The following MKLN1 variants were observed in gnomAD, a reference collection of about 807,000 sequenced individuals.
MKLN1 encodes the protein muskelin 1, also known as muskelin.
Under a neutral mutation model 99.0 loss-of-function variants are expected in MKLN1, and 18 were observed. The observed-to-expected ratio is 0.18, with a 90% CI of 0.13 to 0.27. MKLN1 has a LOEUF of 0.27. MKLN1 is among the 10% of genes least tolerant of loss of function. The pLI is 1.00. For missense variants in MKLN1, 621 were observed against 875.9 expected (o/e 0.71, Z 3.67); for synonymous variants, 288 against 293.2 (o/e 0.98, Z 0.18).
chr7:131,175,127 G>T (rs1356300819), intron 2 of MKLN1, among the ~76,000 whole-genome samples: 1 of 146,528 alleles, frequency 6.8e-6, no homozygotes. Context: ...GTGGATAGAT[G>T]GATAGGGTGG....
rs112135246 is a variant in MKLN1, at chr7:131,199,607, T to C, written c.-296-3250T>C. 4.4e-3 allele frequency among the ~76,000 whole-genome samples: 665 copies of C among 152,330 alleles called. 6 individuals carry two copies. Among genetic ancestry groups the C allele is most frequent in the African/African-American group, 0.015 (635 of 41,566 alleles). On this transcript the variant is annotated intron_variant, in intron 2 of 7. Coordinates refer to the MKLN1 transcript ENST00000416992. The stretch of plus-strand genomic sequence containing the variant: ...CATTATAGGTGAAGGTGGATGCTAC[T>C]GAGAAGGCCTTTATATATCACATCA...
intron 14 of MKLN1, 30 bp downstream of exon 14, chr7:131,464,438 T>C (rs1368160138): frequency 4.6e-6 from 6 of 1,304,414 alleles, no homozygotes; most frequent in Admixed American, 1.7e-5. Flanking sequence ...CTGTAAACTT[T>C]CCATGGCCTA....
At chr7:131,228,364 C>T (rs1695518915) in intron 3 of MKLN1, among the ~76,000 whole-genome samples, 2 of 152,116 alleles carry the variant, frequency 1.3e-5, no homozygotes, top group South Asian at 4.1e-4. Context: ...GTGATTTGAC[C>T]ACCTCGGCCT....
intron 3 of MKLN1, among the ~76,000 whole-genome samples, chr7:131,248,852 C>T (rs921334880): frequency 6.6e-6 from 1 of 152,204 alleles, no homozygotes; most frequent in South Asian, 2.1e-4. Flanking sequence ...CTTGTCCTGG[C>T]TTCTTTCCCA....
chr7:131,140,803 A>G (rs1795720010), intron 1 of MKLN1, among the ~76,000 whole-genome samples: 1 of 149,640 alleles, frequency 6.7e-6, no homozygotes. Flanking sequence ...TTTCTGAGAC[A>G]GAGTCTCGCT....
At chr7:131,241,050 C>G (rs1797394224) in intron 3 of MKLN1, among the ~76,000 whole-genome samples, 1 of 152,128 alleles carries the variant, frequency 6.6e-6, no homozygotes, top group African/African-American at 2.4e-5. Flanking sequence ...TCCTTTCATA[C>G]ATACTGAAAA....
intron 8 of MKLN1, among the ~76,000 whole-genome samples, chr7:131,420,077 C>T (rs1260647122): frequency 6.6e-6 from 1 of 151,802 alleles, no homozygotes; most frequent in African/African-American, 2.4e-5. Context: ...TAAAAGGTAT[C>T]ATATAAATGC....
intron 3 of MKLN1, among the ~76,000 whole-genome samples, chr7:131,318,358 T>TGGATAAATATCGAAATTAAGGC (rs1563290271): frequency 6.6e-6 from 1 of 152,206 alleles, no homozygotes; most frequent in African/African-American, 2.4e-5. Context: ...GAATGACTCC[T>TGGATAAATATCGAAATTAAGGC]GGATAAATAT....
intron 3 of MKLN1, chr7:131,310,007 G>C (rs1330957718): frequency 6.6e-6 from 1 of 152,120 alleles, no homozygotes; most frequent in East Asian, 1.9e-4. Flanking sequence ...TTACAGGCGT[G>C]AGCCACCACG....
chr7:131,139,432 T>C (rs1445374846), intron 1 of MKLN1, among the ~76,000 whole-genome samples: 1 of 152,152 alleles, frequency 6.6e-6, no homozygotes, highest in African/African-American at 2.4e-5. Flanking sequence ...TCAGCATTGC[T>C]TGCAGTTATA....
chr7:131,113,746 C>T (rs142820799), intron 1 of MKLN1, among the ~76,000 whole-genome samples: 1 of 151,980 alleles, frequency 6.6e-6, no homozygotes, highest in African/African-American at 2.4e-5. Context: ...ATCACTTGAA[C>T]CACAGAAGCG....
intron 1 of MKLN1, among the ~76,000 whole-genome samples, chr7:131,341,070 CTAATAGTTTT>C (rs1799393539): frequency 6.6e-6 from 1 of 151,518 alleles, no homozygotes; most frequent in African/African-American, 2.4e-5. Context: ...TCTGAGTTGC[CTAATAGTTTT>C]TAATAGTTTT....
chr7:131,404,634 T>G (rs2398770), intron 6 of MKLN1, among the ~76,000 whole-genome samples: 51,648 of 151,860 alleles, frequency 0.34, 9,368 homozygotes, highest in East Asian at 0.49. Flanking sequence ...AGACAGGGTC[T>G]CTCTCTGTTG....
chr7:131,220,151 T>C (rs1254707247), intron 3 of MKLN1, among the ~76,000 whole-genome samples: 1 of 152,246 alleles, frequency 6.6e-6, no homozygotes, highest in Non-Finnish European at 1.5e-5. Flanking sequence ...TAACCACACA[T>C]GAACAGACCC....
chr7:131,249,780 G>A (rs576315737), intron 3 of MKLN1, among the ~76,000 whole-genome samples: 2 of 152,278 alleles, frequency 1.3e-5, no homozygotes, highest in East Asian at 1.9e-4. Context: ...ATGCAAAGGG[G>A]GTTGTTGTGG....
In MKLN1 at chr7:131,119,306, G is replaced by A. The variant is rs576608787; in HGVS notation, c.-419+9099G>A. Among the ~76,000 whole-genome samples the A allele has an allele frequency of 3.3e-5, 5 of 152,334 alleles. No individual in the cohort carries two copies. The East Asian group carries it at 9.7e-4, about 29-fold the overall frequency. On this transcript the variant is annotated intron_variant, in intron 1 of 7. Coordinates refer to the MKLN1 transcript ENST00000416992. ...CCATGTCTCACATCCAGGCCACACC[G>A]ATGCAAGCGGTGGGCTCCCAAGGCC...
chr7:131,229,598 G>T (rs1797211465), intron 3 of MKLN1, among the ~76,000 whole-genome samples: 1 of 151,984 alleles, frequency 6.6e-6, no homozygotes, highest in Non-Finnish European at 1.5e-5. Context: ...TCTTACCCAG[G>T]CTGGACACAT....
At chr7:131,386,136 C>T (rs1262106561) in intron 2 of MKLN1, among the ~76,000 whole-genome samples, 2 of 151,748 alleles carry the variant, frequency 1.3e-5, no homozygotes, top group African/African-American at 4.8e-5. Flanking sequence ...GCCTCAGCCT[C>T]CTGAGTAGCT....
At chr7:131,244,316 C>T (rs775157030) in intron 3 of MKLN1, among the ~76,000 whole-genome samples, 1 of 152,098 alleles carries the variant, frequency 6.6e-6, no homozygotes, top group Admixed American at 6.6e-5. Flanking sequence ...TTTCATGACC[C>T]GCTCCTCCCT....
Sources: allele counts gnomAD v4.1 joint callset (sites outside exome capture counted in the v4.1 genomes callset), GRCh38; gene constraint gnomAD v4.1.1; transcripts MANE v1.5; gene names NCBI Gene and HGNC (gene_info 2026-07-23, HGNC 2026-07-21).